Variants in TRAPPC9 observed in about 807,000 individuals in gnomAD.
TRAPPC9 encodes IKK2 binding protein.
TRAPPC9 carries 83 observed loss-of-function variants against 124.0 expected under a neutral mutation model. That is an observed-to-expected ratio of 0.67 (90% CI 0.56 to 0.80). The LOEUF is 0.80. Ranked by LOEUF, TRAPPC9 falls within the 30% of genes least tolerant of loss-of-function variation. The probability of loss-of-function intolerance (pLI) is 0.00; values close to 1 mark genes in which losing one functional copy is unlikely to be tolerated. For missense variants in TRAPPC9, 1,302 were observed against 1,508.3 expected (o/e 0.86, Z 2.27); for synonymous variants, 638 against 617.5 (o/e 1.03, Z -0.49).
chr8:140,233,615 T>TCCC (rs1305149437), intron 16 of TRAPPC9, among the ~76,000 whole-genome samples: 13 of 20,510 alleles, frequency 6.3e-4, no homozygotes, highest in Non-Finnish European at 8.7e-4. Flanking sequence ...TCCCTCCCTC[T>TCCC]CTCCCCACCA....
At position 140,283,931 on chromosome 8, in the gene TRAPPC9, A is replaced by G. The variant is rs766891466; in HGVS notation, c.2072T>C (p.Ile691Thr). The change falls in exon 14 of 23, where the codon ATT becomes ACT. Residue 691 changes from isoleucine to threonine, a missense_variant. By Grantham distance (89) the Ile-to-Thr change is moderately conservative. This residue lies in a region of TRAPPC9 where 640 missense variants were observed against 679.3 expected (regional missense o/e 0.94). Transcript: ENST00000438773. ...GATCTGCAGTCTTGGCAACGCGGGA[A>G]TGACTTCCACTGTGGAGCCACTGGT... ...IKTSGSTVEV[I>T]PALPRLQIST... is the part of the protein sequence containing the mutation. 1.2e-6 allele frequency: 2 copies of G among 1,614,142 alleles called. No individual in the cohort carries two copies. Among genetic ancestry groups the G allele is most frequent in the Admixed American group, 3.3e-5 (2 of 60,030 alleles).
intron 21 of TRAPPC9, among the ~76,000 whole-genome samples, chr8:139,808,362 G>A (rs563472048): frequency 7.7e-4 from 118 of 152,338 alleles, no homozygotes; most frequent in Non-Finnish European, 1.4e-3. Flanking sequence ...TCAAGGGGCT[G>A]AGGCAGGAGA....
At chr8:139,739,355 C>T (rs1371996315) in intron 21 of TRAPPC9, among the ~76,000 whole-genome samples, 3 of 152,254 alleles carry the variant, frequency 2.0e-5, no homozygotes, top group Non-Finnish European at 2.9e-5. Context: ...TAGTGTGAGA[C>T]GCTGGTAGGT....
chr8:139,791,090 G>A (rs900664065), intron 21 of TRAPPC9, among the ~76,000 whole-genome samples: 2 of 152,152 alleles, frequency 1.3e-5, no homozygotes, highest in African/African-American at 4.8e-5. Context: ...CCCAGCCTCA[G>A]GTATTCCTTG....
chr8:139,783,182 C>T (rs1302729451), intron 21 of TRAPPC9, among the ~76,000 whole-genome samples: 1 of 151,604 alleles, frequency 6.6e-6, no homozygotes, highest in Non-Finnish European at 1.5e-5. Flanking sequence ...GGATGAACAG[C>T]AAAATGGAAA....
chr8:140,431,282 C>A (rs1159665571), intron 4 of TRAPPC9, among the ~76,000 whole-genome samples: 1 of 151,912 alleles, frequency 6.6e-6, no homozygotes, highest in Non-Finnish European at 1.5e-5. Flanking sequence ...CATGGTGAAA[C>A]CCCGTCTCTA....
At chr8:140,050,782 G>A (rs1362197004) in intron 17 of TRAPPC9, among the ~76,000 whole-genome samples, 1 of 152,144 alleles carries the variant, frequency 6.6e-6, no homozygotes, top group African/African-American at 2.4e-5. Context: ...CACCAGATGG[G>A]AACAACCCAC....
chr8:139,756,605 G>A (rs1297313553), intron 21 of TRAPPC9, among the ~76,000 whole-genome samples: 22 of 82,810 alleles, frequency 2.7e-4, no homozygotes, highest in Admixed American at 1.2e-3. Context: ...TAAGGACAGC[G>A]TGTCGCAGGA....
At chr8:140,411,659 G>C (rs76668951) in intron 5 of TRAPPC9, among the ~76,000 whole-genome samples, 4,090 of 152,174 alleles carry the variant, frequency 0.027, 206 homozygotes, top group African/African-American at 0.093. Context: ...AAAATATCTT[G>C]AGCCTGAAAG....
At chr8:140,172,303 C>A (rs1032604394) in intron 17 of TRAPPC9, among the ~76,000 whole-genome samples, 5 of 151,954 alleles carry the variant, frequency 3.3e-5, no homozygotes, top group African/African-American at 1.2e-4. Context: ...GAAAAAGGAC[C>A]ATGATGTCAG....
At chr8:139,783,511 C>T (rs1386553386) in intron 21 of TRAPPC9, among the ~76,000 whole-genome samples, 1 of 152,098 alleles carries the variant, frequency 6.6e-6, no homozygotes, top group African/African-American at 2.4e-5. Context: ...TTTAATATAC[C>T]TACAAAAGAA....
chr8:140,301,011 C>T (rs2065962087), intron 10 of TRAPPC9, among the ~76,000 whole-genome samples: 1 of 152,214 alleles, frequency 6.6e-6, no homozygotes, highest in Non-Finnish European at 1.5e-5. Context: ...CCACCACCTT[C>T]CCCATGGACC....
In TRAPPC9 at chr8:139,732,047, C is replaced by A; in HGVS notation, c.3211G>T (p.Gly1071Cys). The A allele has an allele frequency of 6.2e-7, 1 of 1,604,902 alleles. No homozygotes were observed. Residue 1071 changes from glycine to cysteine, a missense_variant, in exon 22 of 23, where the codon GGC (glycine) becomes TGC (cysteine). Gly to Cys is a radical substitution (Grantham distance 159). Around this residue, in one of 3 missense-constraint regions of TRAPPC9, gnomAD observed 640 missense variants for 679.3 expected, o/e 0.94. Transcript: ENST00000438773. ...TCGTGCAGGTCGTAGTTGTGCACGC[C>A]GTTCTGGTGGTCCTGGAAGGGGACC... ...TVVPFQDHQN[G>C]VHNYDLHDTV...
rs118029118 is a variant in TRAPPC9, at chr8:139,736,501, C to T, written c.3056-4299G>A. Among the ~76,000 whole-genome samples the T allele has an allele frequency of 4.8e-4, 73 of 152,346 alleles. 2 individuals carry two copies. The East Asian group carries it at 0.012, about 25-fold the overall frequency. On this transcript the variant is annotated intron_variant, in intron 21 of 22. Coordinates refer to ENST00000438773, the MANE Select transcript of TRAPPC9 (RefSeq NM_001160372.4). ...GGCATACAGGCACCAAATCCCCTGACGCTGACTCTTCCCCATGACACAGAG... is the reference window on the plus strand; with the variant it reads ...GGCATACAGGCACCAAATCCCCTGATGCTGACTCTTCCCCATGACACAGAG...
intron 21 of TRAPPC9, among the ~76,000 whole-genome samples, chr8:139,870,297 CCA>C (rs1828816980): frequency 6.6e-6 from 1 of 152,152 alleles, no homozygotes; most frequent in Non-Finnish European, 1.5e-5. Flanking sequence ...GCAAATGAGA[CCA>C]TGAACGTACC....
intron 9 of TRAPPC9, among the ~76,000 whole-genome samples, chr8:140,335,215 G>A (rs947282304): frequency 6.6e-6 from 1 of 152,096 alleles, no homozygotes; most frequent in African/African-American, 2.4e-5. Context: ...AACTCCGGCC[G>A]CAATGTGACG....
intron 17 of TRAPPC9, among the ~76,000 whole-genome samples, chr8:140,042,740 G>A (rs576131795): frequency 6.6e-6 from 1 of 152,180 alleles, no homozygotes; most frequent in Admixed American, 6.5e-5. Flanking sequence ...TCCCAGCACC[G>A]GGCTGCTCCT....
intron 17 of TRAPPC9, among the ~76,000 whole-genome samples, chr8:140,177,860 C>A (rs933442773): frequency 2.0e-5 from 3 of 152,014 alleles, no homozygotes; most frequent in African/African-American, 7.2e-5. Context: ...TTTCAATGTA[C>A]AATTCTTGCA....
chr8:140,338,699 C>CG (rs1392374602), intron 9 of TRAPPC9, among the ~76,000 whole-genome samples: 1 of 152,148 alleles, frequency 6.6e-6, no homozygotes, highest in African/African-American at 2.4e-5. Flanking sequence ...GTCAAGAAGA[C>CG]GGCCACCTAC....
Sources: allele counts gnomAD v4.1 joint callset (sites outside exome capture counted in the v4.1 genomes callset), GRCh38; gene constraint gnomAD v4.1.1; regional missense constraint gnomAD v4.1.1; transcripts MANE v1.5; gene names NCBI Gene and HGNC (gene_info 2026-07-23, HGNC 2026-07-21).